Variants in CHAF1B observed in about 807,000 individuals in gnomAD.
The protein encoded by CHAF1B is CAF-1 subunit B.
Under a neutral mutation model 60.7 loss-of-function variants are expected in CHAF1B, and 10 were observed. That is an observed-to-expected ratio of 0.16 (90% confidence interval 0.10 to 0.28). The LOEUF (loss-of-function observed/expected upper bound fraction) is 0.28. Ranked by LOEUF, CHAF1B falls within the 10% of genes least tolerant of loss-of-function variation. The pLI, the probability that CHAF1B is intolerant of heterozygous loss-of-function variation, is 1.00. For synonymous variants in CHAF1B, 261 were observed against 266.1 expected (o/e 0.98, Z 0.19); for missense variants, 558 against 708.4 (o/e 0.79, Z 2.41).
In CHAF1B at chr21:36,398,357, A is replaced by T. The variant is rs549989116; in HGVS notation, c.578+846A>T. On this transcript the variant is annotated intron_variant, in intron 6 of 13. Transcript: ENST00000314103. ...GTGTGCTACGGTGATTTTTATTTTT[A>T]TTTTTTTTAAATTGTTTTTTGAGAC... is the stretch of plus-strand genomic sequence containing the variant. The T allele has an allele frequency of 8.6e-5, 13 of 151,274 alleles. No homozygotes were observed. The East Asian group carries it at 2.5e-3, about 29-fold the overall frequency. The allele number at this position is 151,274 out of a possible 1,614,324, so 9.4% of individuals were successfully genotyped here.
intron 11 of CHAF1B, among the ~76,000 whole-genome samples, chr21:36,412,518 G>A (rs2086286065): frequency 1.3e-5 from 2 of 151,946 alleles, no homozygotes; most frequent in Admixed American, 1.3e-4. Flanking sequence ...CACCACCATG[G>A]CTGGCTAATT....
chr21:36,415,429 G>A, intron 13 of CHAF1B, 40 bp downstream of exon 13: 1 of 1,288,290 alleles, frequency 7.8e-7, no homozygotes, highest in Non-Finnish European at 1.1e-6. Context: ...ATGAAAGGTA[G>A]AGTATCTTTT....
At position 36,403,324 on chromosome 21, in the gene CHAF1B, C is replaced by T. The variant is rs965408092; in HGVS notation, c.757+473C>T. ...AATACAAAAATTAATGATGTGGTGGCGCATACCCTGTAATCCCAGCCACTT... is the reference window on the plus strand; with the variant it reads ...AATACAAAAATTAATGATGTGGTGGTGCATACCCTGTAATCCCAGCCACTT... On this transcript the variant is annotated intron_variant, in intron 8 of 13. Transcript: ENST00000314103. 1.1e-4 allele frequency among the ~76,000 whole-genome samples: 17 copies of T among 151,356 alleles called. No homozygotes were observed. In the East Asian group the frequency reaches 2.7e-3, roughly 24 times the overall value.
chr21:36,397,654 A>C (rs1160204651), intron 6 of CHAF1B, 143 bp downstream of exon 6: 2 of 423,762 alleles, frequency 4.7e-6, no homozygotes, highest in East Asian at 7.1e-5. Context: ...TCATTCTTAC[A>C]ACATAATCAG....
At chr21:36,406,018 A>T (rs890834436) in intron 8 of CHAF1B, among the ~76,000 whole-genome samples, 1 of 152,126 alleles carries the variant, frequency 6.6e-6, no homozygotes, top group Non-Finnish European at 1.5e-5. Context: ...AAGATCCTAT[A>T]ACACTACTTT....
intron 8 of CHAF1B, among the ~76,000 whole-genome samples, chr21:36,406,516 T>C (rs2086239345): frequency 1.3e-5 from 2 of 151,874 alleles, no homozygotes; most frequent in Admixed American, 6.6e-5. Context: ...AAACTTCTGA[T>C]CTCAGGTGAT....
chr21:36,397,067 T>C (rs1334971331), intron 5 of CHAF1B, among the ~76,000 whole-genome samples: 1 of 152,218 alleles, frequency 6.6e-6, no homozygotes, highest in Admixed American at 6.5e-5. Flanking sequence ...CAATACCTTC[T>C]TCCACCCTTC....
intron 4 of CHAF1B, among the ~76,000 whole-genome samples, chr21:36,392,543 G>A (rs1025270169): frequency 1.3e-5 from 2 of 150,952 alleles, no homozygotes; most frequent in Non-Finnish European, 3.0e-5. Flanking sequence ...GCAGCTGGCC[G>A]GGCGGGGGCT....
chr21:36,414,769 G>A (rs2086304727), intron 12 of CHAF1B, among the ~76,000 whole-genome samples: 1 of 152,058 alleles, frequency 6.6e-6, no homozygotes, highest in African/African-American at 2.4e-5. Context: ...GCGCCACCAT[G>A]CCTGGCTGAC....
chr21:36,407,722 AATCC>A (rs916076430), intron 8 of CHAF1B, among the ~76,000 whole-genome samples: 18 of 152,290 alleles, frequency 1.2e-4, no homozygotes, highest in African/African-American at 3.6e-4. Flanking sequence ...TCACGCCTGT[AATCC>A]CAGCACTTTG....
chr21:36,407,514 T>C (rs2086247548), intron 8 of CHAF1B, among the ~76,000 whole-genome samples: 1 of 152,162 alleles, frequency 6.6e-6, no homozygotes, highest in Non-Finnish European at 1.5e-5. Context: ...TAAGGAGAAG[T>C]GTCAGTTTTG....
rs142213803 is a variant in CHAF1B, at chr21:36,391,832, G to A, written c.377+164G>A. Among the ~76,000 whole-genome samples, 766 of 151,030 alleles carry A rather than the reference G, an allele frequency of 5.1e-3. 5 individuals are homozygous for A. The highest frequency in any genetic ancestry group is 6.3e-3 in the Non-Finnish European group (425 of 67,862). ...CAGTACCCTGCAGCCTTGACTTCCC[G>A]GGCTCAAGTGATCCTCTCACCTCCC... On this transcript the variant is annotated intron_variant, in intron 4 of 13. Transcript: ENST00000314103.
intron 1 of CHAF1B, 69 bp from the exon 2 acceptor site, chr21:36,385,991 C>T: frequency 1.1e-6 from 1 of 892,270 alleles, no homozygotes; most frequent in Non-Finnish European, 1.7e-6. Flanking sequence ...TTTTAAATGG[C>T]TCCTGGCCCC....
At chr21:36,390,333 C>T (rs1054056435) in intron 3 of CHAF1B, among the ~76,000 whole-genome samples, 1 of 81,938 alleles carries the variant, frequency 1.2e-5, no homozygotes, top group African/African-American at 4.0e-5. Flanking sequence ...AACACCATCT[C>T]AAAAAAAAAA....
chr21:36,409,826 A>C (rs1188214117), intron 10 of CHAF1B, among the ~76,000 whole-genome samples: 2 of 150,384 alleles, frequency 1.3e-5, no homozygotes, highest in Non-Finnish European at 2.9e-5. Context: ...AAGCTGGAGC[A>C]AAGACTGGGG....
At chr21:36,400,922 C>T (rs2086182471) in intron 7 of CHAF1B, among the ~76,000 whole-genome samples, 1 of 152,086 alleles carries the variant, frequency 6.6e-6, no homozygotes, top group Admixed American at 6.6e-5. Context: ...CAGGGTAAGG[C>T]AGTGTGGGCT....
At chr21:36,395,211 G>A (rs1455897178) in intron 5 of CHAF1B, among the ~76,000 whole-genome samples, 1 of 151,676 alleles carries the variant, frequency 6.6e-6, no homozygotes, top group Admixed American at 6.6e-5. Context: ...CACCACACCT[G>A]GCTAATTTTT....
At position 36,396,663 on chromosome 21, in the gene CHAF1B, A is replaced by G. The variant is rs1906486; in HGVS notation, c.482-752A>G. Among the ~76,000 whole-genome samples the G allele has an allele frequency of 7.8e-3, 1,171 of 149,872 alleles. 16 individuals are homozygous for G. The highest frequency in any genetic ancestry group is 0.028 in the African/African-American group (1,124 of 40,862). On this transcript the variant is annotated intron_variant, in intron 5 of 13. Transcript: ENST00000314103. ...AACCACACCCTGTCTCAAAAAAAAA[A>G]GAAAAAAAAAAAGGAATGGCCAAGG...
intron 3 of CHAF1B, among the ~76,000 whole-genome samples, chr21:36,389,811 G>GCGCA (rs2086071870): frequency 6.7e-6 from 1 of 148,658 alleles, no homozygotes; most frequent in African/African-American, 2.5e-5. Flanking sequence ...GCGCGCGCAC[G>GCGCA]CTGATTTGTA....
Sources: gnomAD v4.1 joint callset for allele counts (sites outside exome capture counted in the v4.1 genomes callset) on GRCh38, gnomAD v4.1.1 for gene constraint, MANE v1.5 for transcripts, NCBI Gene and HGNC (gene_info 2026-07-23, HGNC 2026-07-21) for gene names.